Variants in TCF12 observed in about 807,000 individuals in gnomAD.
The protein encoded by TCF12 is DNA-binding protein HTF4.
In TCF12, 45 loss-of-function variants were observed where a neutral mutation model predicts 86.0. The observed-to-expected ratio is 0.52, with a 90% confidence interval of 0.41 to 0.67. The LOEUF (loss-of-function observed/expected upper bound fraction) is 0.67. Among genes scored for constraint, TCF12 ranks in the 30% least tolerant of loss-of-function variants. The probability of loss-of-function intolerance (pLI) is 0.00; values close to 1 mark genes in which losing one functional copy is unlikely to be tolerated. For missense variants in TCF12, 881 were observed against 859.9 expected (o/e 1.02, Z -0.31); for synonymous variants, 330 against 299.6 (o/e 1.10, Z -1.05).
At chr15:56,985,702 C>T (rs916976267) in intron 3 of TCF12, among the ~76,000 whole-genome samples, 1 of 152,086 alleles carries the variant, frequency 6.6e-6, no homozygotes, top group Non-Finnish European at 1.5e-5. Context: ...CCCCATAGTA[C>T]CTACCTAATG....
intron 5 of TCF12, among the ~76,000 whole-genome samples, chr15:57,163,738 T>A (rs1374673948): frequency 6.6e-6 from 1 of 152,124 alleles, no homozygotes; most frequent in Non-Finnish European, 1.5e-5. Context: ...TAAAACTAGT[T>A]ACTACAAAAT....
intron 16 of TCF12, 78 bp from the exon 17 acceptor site, chr15:57,262,016 C>A: frequency 2.2e-6 from 2 of 896,982 alleles, no homozygotes; most frequent in South Asian, 1.8e-5. Context: ...TCTATTAAAC[C>A]TAGTAAAATA....
rs1383112874 is a variant in TCF12 at position 57,013,689 on chromosome 15, T to TTC, written c.149-50059_149-50058dup. 5.9e-5 allele frequency among the ~76,000 whole-genome samples: 9 copies of TTC among 152,324 alleles called. No homozygotes were observed. The East Asian group carries it at 1.7e-3, about 29-fold the overall frequency. ...GCCTGAAACAGTGAAGTAAGAGGAT[T>TTC]TCTTCCATAATGTAGAGGAGATAAC... On this transcript the variant is annotated intron_variant, in intron 3 of 20. Coordinates refer to ENST00000333725, the MANE Select transcript of TCF12 (RefSeq NM_207037.2).
chr15:57,128,829 C>T (rs760342362), intron 5 of TCF12, among the ~76,000 whole-genome samples: 1 of 152,200 alleles, frequency 6.6e-6, no homozygotes, highest in Non-Finnish European at 1.5e-5. Context: ...AGCGTATTTT[C>T]AGGATTCATC....
At chr15:57,055,418 A>G (rs767178899) in intron 3 of TCF12, among the ~76,000 whole-genome samples, 8 of 152,120 alleles carry the variant, frequency 5.3e-5, no homozygotes, top group Non-Finnish European at 1.0e-4. Flanking sequence ...AATAATAATA[A>G]TGATTATCCT....
intron 8 of TCF12, among the ~76,000 whole-genome samples, chr15:57,212,519 C>T (rs548116623): frequency 6.6e-6 from 1 of 152,154 alleles, no homozygotes; most frequent in Non-Finnish European, 1.5e-5. Flanking sequence ...TTCAAGGGAT[C>T]TTCCCACCTT....
At chr15:57,187,470 A>C (rs12906042) in intron 6 of TCF12, among the ~76,000 whole-genome samples, 58,894 of 152,078 alleles carry the variant, frequency 0.39, 14,214 homozygotes, top group Non-Finnish European at 0.53. Flanking sequence ...TGTCTTGGAC[A>C]GTACATCAAA....
At chr15:57,122,019 AACAT>A (rs1453701302) in intron 5 of TCF12, among the ~76,000 whole-genome samples, 1 of 151,710 alleles carries the variant, frequency 6.6e-6, no homozygotes, top group Non-Finnish European at 1.5e-5. Context: ...ATATTTAGCC[AACAT>A]TTATTGTCTA....
intron 5 of TCF12, among the ~76,000 whole-genome samples, chr15:57,143,888 GGTGCTTACTTCTGTCTCCA>G (rs1437792348): frequency 6.6e-6 from 1 of 152,134 alleles, no homozygotes; most frequent in Non-Finnish European, 1.5e-5. Context: ...CTCTGGGTGT[GGTGCTTACTTCTGTCTCCA>G]GTAAGAGAGA....
chr15:57,271,249 C>T (rs1322087668), intron 18 of TCF12, among the ~76,000 whole-genome samples: 3 of 152,186 alleles, frequency 2.0e-5, no homozygotes, highest in Admixed American at 6.5e-5. Context: ...CCTGCCACTT[C>T]GTTCACACAG....
At chr15:56,974,361 G>A (rs2062493997) in intron 3 of TCF12, among the ~76,000 whole-genome samples, 1 of 152,062 alleles carries the variant, frequency 6.6e-6, no homozygotes, top group Non-Finnish European at 1.5e-5. Flanking sequence ...TAAAGTAATT[G>A]TGGTAAAATG....
intron 8 of TCF12, among the ~76,000 whole-genome samples, chr15:57,198,842 G>A (rs1199527126): frequency 6.6e-6 from 1 of 152,184 alleles, no homozygotes; most frequent in African/African-American, 2.4e-5. Flanking sequence ...TTGGCAAGTA[G>A]TAATCTAGAA....
Position 57,135,141 on chromosome 15 carries a change from A to G in TCF12, c.326-31261A>G, listed in dbSNP as rs2703617. ...TAATGGATTGTGGTATATGGAGACAATTTTGCCTGCAGCTTTACTATAACT... is the reference window on the plus strand; with the variant it reads ...TAATGGATTGTGGTATATGGAGACAGTTTTGCCTGCAGCTTTACTATAACT... On this transcript the variant is annotated intron_variant, in intron 5 of 20. Coordinates refer to ENST00000333725, the MANE Select transcript of TCF12 (RefSeq NM_207037.2). Among the ~76,000 whole-genome samples, 1,288 of 152,254 alleles carry G rather than the reference A, an allele frequency of 8.5e-3. 28 individuals are homozygous for G. The highest frequency in any genetic ancestry group is 0.029 in the African/African-American group (1,221 of 41,542).
intron 12 of TCF12, among the ~76,000 whole-genome samples, chr15:57,236,224 C>G (rs1318707216): frequency 6.6e-6 from 1 of 152,118 alleles, no homozygotes; most frequent in African/African-American, 2.4e-5. Context: ...ACTTCCCAGC[C>G]GGACACCTCC....
intron 3 of TCF12, among the ~76,000 whole-genome samples, chr15:57,053,226 G>A (rs1042880842): frequency 2.0e-5 from 3 of 152,122 alleles, no homozygotes; most frequent in South Asian, 2.1e-4. Flanking sequence ...GTATGATGCC[G>A]AGCAGCTTTT....
chr15:57,243,360 T>C (rs932457594), intron 12 of TCF12, 112 bp from the exon 13 acceptor site: 8 of 849,374 alleles, frequency 9.4e-6, no homozygotes, highest in Admixed American at 8.2e-5. Flanking sequence ...ATTTTTTCAC[T>C]CTGAAGTCTT....
chr15:57,128,232 A>G (rs961852578), intron 5 of TCF12, among the ~76,000 whole-genome samples: 2 of 152,190 alleles, frequency 1.3e-5, no homozygotes, highest in Non-Finnish European at 2.9e-5. Context: ...TAAACATGTA[A>G]TTGTACTCCT....
intron 3 of TCF12, among the ~76,000 whole-genome samples, chr15:56,979,027 C>A (rs1350759104): frequency 6.6e-6 from 1 of 152,170 alleles, no homozygotes; most frequent in African/African-American, 2.4e-5. Context: ...TAGCTTATCA[C>A]TTGAGTTATT....
intron 5 of TCF12, among the ~76,000 whole-genome samples, chr15:57,105,837 T>C (rs1292238943): frequency 6.6e-6 from 1 of 152,236 alleles, no homozygotes; most frequent in Non-Finnish European, 1.5e-5. Flanking sequence ...GACTGTTGGA[T>C]TGAACATTGT....
Sources: gnomAD v4.1 joint callset for allele counts (sites outside exome capture counted in the v4.1 genomes callset) on GRCh38, gnomAD v4.1.1 for gene constraint, MANE v1.5 for transcripts, NCBI Gene and HGNC (gene_info 2026-07-23, HGNC 2026-07-21) for gene names.